The following EDA variants were observed in gnomAD, a reference collection of about 807,000 sequenced individuals.
EDA encodes ectodysplasin A.
EDA carries 2 observed loss-of-function variants against 23.6 expected under a neutral mutation model. The ratio of observed to expected loss-of-function variants is 0.08; its 90% CI spans 0.03 to 0.27. The LOEUF is 0.27. EDA is among the 10% of genes least tolerant of loss of function. EDA has a pLI of 1.00. For missense variants in EDA, 229 were observed against 324.2 expected (o/e 0.71, Z 2.26); for synonymous variants, 131 against 132.0 (o/e 0.99, Z 0.05).
chrX:69,620,362 G>A (rs191533895), intron 1 of EDA: 2 of 111,971 alleles, frequency 1.8e-5, no homozygotes, highest in Admixed American at 1.9e-4. Context: ...TATTTGAAGT[G>A]ATGTCATAGA....
intron 2 of EDA, among the ~76,000 whole-genome samples, chrX:69,964,516 AATG>A (rs2019147227): frequency 8.9e-6 from 1 of 111,989 alleles, no homozygotes; most frequent in Admixed American, 9.5e-5. Flanking sequence ...TCTATAATAT[AATG>A]ATAATAGCTA....
chrX:69,735,220 CACATACAACAGAATATTTTGTATGT>C (rs2013207915), intron 1 of EDA, among the ~76,000 whole-genome samples: 1 of 107,907 alleles, frequency 9.3e-6, no homozygotes, highest in Non-Finnish European at 1.9e-5. Context: ...TGTGTATATA[CACATACAACAGAATATTTTGTATGT>C]GTATATACAC....
intron 2 of EDA, among the ~76,000 whole-genome samples, chrX:69,997,193 G>A (rs1348922570): frequency 1.9e-5 from 2 of 105,076 alleles, no homozygotes; most frequent in Non-Finnish European, 4.0e-5. Flanking sequence ...TCCTAGAGAC[G>A]TGTTGAATGG....
rs2020298945 is a variant in EDA, at chrX:70,039,015, C to CA, written c.*3407dup. On this transcript the variant is annotated 3_prime_UTR_variant, in exon 8 of 8. Transcript: ENST00000374552. ...GGCCCCCTTCAGGAGCCTGGCCAGG[C>CA]AGGGAGAGAGTAGCTGCAGCCTTCA... The CA allele has an allele frequency of 8.9e-6, 1 of 111,975 alleles. No homozygotes were observed. The highest frequency in any genetic ancestry group is 1.9e-5 in the Non-Finnish European group (1 of 53,191). 9.2% of individuals were successfully genotyped at this position (111,975 alleles called of 1,213,427 possible).
chrX:69,928,536 C>A (rs904092408), intron 1 of EDA, among the ~76,000 whole-genome samples: 2 of 111,169 alleles, frequency 1.8e-5, no homozygotes, highest in Non-Finnish European at 3.8e-5. Flanking sequence ...CTCTGGGGAG[C>A]AGTAGAAGTG....
intron 1 of EDA, among the ~76,000 whole-genome samples, chrX:69,796,128 C>T (rs2015537150): frequency 8.9e-6 from 1 of 112,239 alleles, no homozygotes; most frequent in African/African-American, 3.2e-5. Flanking sequence ...GCACATTGCT[C>T]TAGACCCAGA....
At chrX:69,799,291 G>T (rs755743283) in intron 1 of EDA, among the ~76,000 whole-genome samples, 1 of 111,469 alleles carries the variant, frequency 9.0e-6, no homozygotes, top group African/African-American at 3.2e-5. Flanking sequence ...GATTTTTTGA[G>T]TAATGTCCCA....
chrX:69,711,282 T>A (rs1183656771), intron 1 of EDA, among the ~76,000 whole-genome samples: 6 of 111,665 alleles, frequency 5.4e-5, no homozygotes, highest in African/African-American at 2.0e-4. Flanking sequence ...TCTGTTTATA[T>A]GCTGGATTAT....
At chrX:70,002,010 T>C (rs900713616) in intron 2 of EDA, among the ~76,000 whole-genome samples, 4 of 111,744 alleles carry the variant, frequency 3.6e-5, no homozygotes, top group Non-Finnish European at 7.5e-5. Context: ...GGTCCAAGCA[T>C]TGAGAGTTTT....
At chrX:69,617,007 C>CA (rs1931992272) in intron 1 of EDA, 1 of 394,480 alleles carries the variant, frequency 2.5e-6, no homozygotes. Flanking sequence ...GCCTGCGCTG[C>CA]CCCCCGGCCG....
intron 1 of EDA, among the ~76,000 whole-genome samples, chrX:69,834,510 G>T (rs1431422344): frequency 1.0e-5 from 1 of 98,819 alleles, no homozygotes; most frequent in African/African-American, 3.8e-5. Flanking sequence ...TGTTTTATTA[G>T]AGACTGGGAT....
chrX:69,975,444 A>G (rs766881627), intron 2 of EDA, among the ~76,000 whole-genome samples: 26 of 110,444 alleles, frequency 2.4e-4, no homozygotes, highest in Non-Finnish European at 4.7e-4. Flanking sequence ...GATGGCAACA[A>G]TAGACACTGG....
intron 1 of EDA, among the ~76,000 whole-genome samples, chrX:69,868,594 G>A (rs899337415): frequency 6.2e-5 from 7 of 112,223 alleles, no homozygotes; most frequent in Non-Finnish European, 1.3e-4. Flanking sequence ...TCAGCAAAAT[G>A]TCATCAATGT....
At chrX:69,623,487 A>G (rs1451091488) in intron 1 of EDA, among the ~76,000 whole-genome samples, 1 of 111,670 alleles carries the variant, frequency 9.0e-6, no homozygotes, top group Non-Finnish European at 1.9e-5. Context: ...GCCTCATCAA[A>G]TACCATCACA....
At chrX:69,650,466 C>A (rs1933068373) in intron 1 of EDA, among the ~76,000 whole-genome samples, 1 of 110,768 alleles carries the variant, frequency 9.0e-6, no homozygotes. Context: ...TAATGGATAC[C>A]AACATATAGT....
intron 1 of EDA, among the ~76,000 whole-genome samples, chrX:69,738,359 T>C (rs111343148): frequency 9.1e-6 from 1 of 109,860 alleles, no homozygotes; most frequent in Non-Finnish European, 1.9e-5. Context: ...TTCATTTTTT[T>C]ATTTCTGTCC....
intron 1 of EDA, among the ~76,000 whole-genome samples, chrX:69,952,525 T>G (rs2018942033): frequency 8.9e-6 from 1 of 111,882 alleles, no homozygotes; most frequent in Non-Finnish European, 1.9e-5. Context: ...CCACAACACA[T>G]GGGAATTAAT....
intron 1 of EDA, among the ~76,000 whole-genome samples, chrX:69,705,316 T>C (rs1026146261): frequency 1.8e-5 from 2 of 110,887 alleles, no homozygotes; most frequent in African/African-American, 3.3e-5. Flanking sequence ...AGACTAATGC[T>C]ACAAAAGGAA....
intron 1 of EDA, among the ~76,000 whole-genome samples, chrX:69,671,550 A>G (rs1178874531): frequency 8.9e-6 from 1 of 111,801 alleles, no homozygotes; most frequent in East Asian, 2.8e-4. Flanking sequence ...TCTGTGGCAC[A>G]CTTCAGAAGG....
Sources: allele counts gnomAD v4.1 joint callset (sites outside exome capture counted in the v4.1 genomes callset), GRCh38; gene constraint gnomAD v4.1.1; transcripts MANE v1.5; gene names NCBI Gene and HGNC (gene_info 2026-07-23, HGNC 2026-07-21).